The following ZNF385D variants were observed in gnomAD, a reference collection of about 807,000 sequenced individuals.
ZNF385D encodes zinc finger protein 659.
In ZNF385D, 15 loss-of-function variants were observed where a neutral mutation model predicts 35.8. The ratio of observed to expected loss-of-function variants is 0.42; its 90% CI spans 0.28 to 0.64. The LOEUF is 0.64. ZNF385D is among the 30% of genes least tolerant of loss of function. The pLI is 0.23. For missense variants in ZNF385D, 474 were observed against 494.6 expected (o/e 0.96, Z 0.39); for synonymous variants, 212 against 186.8 (o/e 1.13, Z -1.10).
intron 2 of ZNF385D, among the ~76,000 whole-genome samples, chr3:22,213,069 C>T (rs116111625): frequency 0.014 from 2,068 of 152,042 alleles, 28 homozygotes; most frequent in African/African-American, 0.03. Flanking sequence ...TTATAAGTCA[C>T]ATTCAGTTTA....
At chr3:22,129,292 A>C (rs1703633535) in intron 3 of ZNF385D, among the ~76,000 whole-genome samples, 1 of 152,110 alleles carries the variant, frequency 6.6e-6, no homozygotes, top group Admixed American at 6.6e-5. Context: ...TACCTGAAAC[A>C]AGCTGGTTCT....
intron 3 of ZNF385D, among the ~76,000 whole-genome samples, chr3:21,902,218 A>G (rs1412141823): frequency 2.0e-5 from 3 of 152,196 alleles, no homozygotes; most frequent in African/African-American, 2.4e-5. Flanking sequence ...TTCTTTTGTA[A>G]TGCTCTCAAT....
In ZNF385D at chr3:22,212,283, A is replaced by G. The variant is rs1697574869; in HGVS notation, c.107-43248T>C. ...ACAGTTTCTGCTGTACCCATCTATCAATCCTTGCTCCACATAAAGACAAAA... is the reference window on the plus strand; with the variant it reads ...ACAGTTTCTGCTGTACCCATCTATCGATCCTTGCTCCACATAAAGACAAAA... On this transcript the variant is annotated intron_variant, in intron 2 of 5. Transcript: ENST00000494108. Among the ~76,000 whole-genome samples, 5 of 151,944 alleles carry G rather than the reference A, an allele frequency of 3.3e-5. No individual in the cohort carries two copies. In the South Asian group the frequency reaches 1.0e-3, roughly 31 times the overall value.
intron 4 of ZNF385D, among the ~76,000 whole-genome samples, chr3:21,469,030 G>C (rs187717271): frequency 1.1e-4 from 16 of 152,282 alleles, no homozygotes; most frequent in Admixed American, 3.9e-4. Context: ...TCTGTGTGGG[G>C]ATGGATTGAC....
At chr3:22,081,166 T>C (rs1412063939) in intron 3 of ZNF385D, among the ~76,000 whole-genome samples, 1 of 152,208 alleles carries the variant, frequency 6.6e-6, no homozygotes, top group African/African-American at 2.4e-5. Flanking sequence ...AAATGTTCAA[T>C]CTATGATTTT....
At chr3:22,304,091 C>T (rs949406940) in intron 2 of ZNF385D, among the ~76,000 whole-genome samples, 1 of 152,054 alleles carries the variant, frequency 6.6e-6, no homozygotes, top group Admixed American at 6.6e-5. Context: ...TTCCTTTTAA[C>T]TGCATAAAGC....
At chr3:22,008,700 A>T (rs929698594) in intron 3 of ZNF385D, among the ~76,000 whole-genome samples, 2 of 152,200 alleles carry the variant, frequency 1.3e-5, no homozygotes, top group East Asian at 1.9e-4. Context: ...TTGGGAAGCC[A>T]TAACAAAACA....
intron 3 of ZNF385D, among the ~76,000 whole-genome samples, chr3:22,098,782 T>C (rs1701768846): frequency 6.6e-6 from 1 of 151,814 alleles, no homozygotes; most frequent in South Asian, 2.1e-4. Context: ...ATTTTTAAAG[T>C]AGCAAATAAA....
intron 3 of ZNF385D, among the ~76,000 whole-genome samples, chr3:22,156,304 T>C (rs1705576466): frequency 1.3e-5 from 2 of 152,092 alleles, no homozygotes; most frequent in African/African-American, 4.8e-5. Flanking sequence ...TCGGACACTC[T>C]TTTACAATGA....
At chr3:22,067,195 G>A (rs754003772) in intron 3 of ZNF385D, among the ~76,000 whole-genome samples, 2 of 152,192 alleles carry the variant, frequency 1.3e-5, no homozygotes, top group African/African-American at 4.8e-5. Flanking sequence ...TGCCTGTTGA[G>A]TTTATATCAC....
chr3:22,039,464 T>C (rs1394164554), intron 3 of ZNF385D, among the ~76,000 whole-genome samples: 4 of 152,104 alleles, frequency 2.6e-5, no homozygotes, highest in Non-Finnish European at 4.4e-5. Flanking sequence ...GTCTCCAGTC[T>C]ACCATTCCAG....
At chr3:22,179,994 A>G (rs1695120198) in intron 2 of ZNF385D, among the ~76,000 whole-genome samples, 1 of 152,222 alleles carries the variant, frequency 6.6e-6, no homozygotes, top group Non-Finnish European at 1.5e-5. Context: ...CAATGAATCC[A>G]GGAGCTGGTT....
intron 1 of ZNF385D, among the ~76,000 whole-genome samples, chr3:21,711,005 C>T (rs555913551): frequency 2.0e-5 from 3 of 146,368 alleles, no homozygotes; most frequent in South Asian, 4.3e-4. Flanking sequence ...CAACTTAAAC[C>T]TCTCTAGGTC....
intron 3 of ZNF385D, among the ~76,000 whole-genome samples, chr3:21,889,415 G>A (rs1043179385): frequency 1.3e-5 from 2 of 152,122 alleles, no homozygotes; most frequent in Non-Finnish European, 2.9e-5. Flanking sequence ...TGGCCTCTGT[G>A]GAAAGAAAAG....
At chr3:22,019,505 A>G (rs1297245328) in intron 3 of ZNF385D, among the ~76,000 whole-genome samples, 1 of 151,960 alleles carries the variant, frequency 6.6e-6, no homozygotes, top group African/African-American at 2.4e-5. Flanking sequence ...TGGTTTATTA[A>G]TCATAACCTC....
chr3:21,825,978 C>T lies in ZNF385D; in HGVS notation c.326-160950G>A, dbSNP rs200335525. Among the ~76,000 whole-genome samples, 67 of 152,294 alleles carry T rather than the reference C, an allele frequency of 4.4e-4. No individual in the cohort carries two copies. In the East Asian group the frequency reaches 0.011, roughly 25 times the overall value. On this transcript the variant is annotated intron_variant, in intron 3 of 5. Coordinates refer to the ZNF385D transcript ENST00000494108. The stretch of plus-strand genomic sequence containing the variant: ...TGCATGCGAGGGATCTAGGTTGGGG[C>T]TAGAGAATCTAATGCCTGATGATTT...
At chr3:21,443,057 A>G in intron 4 of ZNF385D, 1 of 890,744 alleles carries the variant, frequency 1.1e-6, no homozygotes, top group Non-Finnish European at 1.3e-6. Flanking sequence ...TGAATTCCTC[A>G]CTCCCGTCTG....
intron 3 of ZNF385D, among the ~76,000 whole-genome samples, chr3:21,901,896 C>T (rs1201108099): frequency 2.6e-5 from 4 of 152,144 alleles, no homozygotes; most frequent in Admixed American, 6.6e-5. Context: ...CACAGAAGAG[C>T]GTTCAGTCTA....
At chr3:21,637,636 G>A (rs1047257777) in intron 2 of ZNF385D, among the ~76,000 whole-genome samples, 4 of 151,956 alleles carry the variant, frequency 2.6e-5, no homozygotes, top group African/African-American at 7.2e-5. Flanking sequence ...GAACTTCTTC[G>A]GCAACTGATC....
Sources: allele counts gnomAD v4.1 joint callset (sites outside exome capture counted in the v4.1 genomes callset), GRCh38; gene constraint gnomAD v4.1.1; transcripts MANE v1.5; gene names NCBI Gene and HGNC (gene_info 2026-07-23, HGNC 2026-07-21).